Variants in FAM240B observed in about 807,000 individuals in gnomAD.
FAM240B encodes the protein protein FAM240B.
rs1821047299 is a variant in FAM240B at position 38,694,780 on chromosome 9, T to A, written c.233A>T (p.Asp78Val). The A allele has an allele frequency of 2.5e-6, 1 of 398,648 alleles. No homozygotes were observed. Among genetic ancestry groups the A allele is most frequent in the Non-Finnish European group, 4.4e-6 (1 of 226,076 alleles). 24.7% of individuals were successfully genotyped at this position (398,648 alleles called of 1,614,324 possible). The part of the protein sequence containing the change: ...VEKEKPAHTA[D>V] Reference sequence around the variant, plus strand: ...AGTCGGTGAGGCAGGCAGAGCTCAGTCCGCGGTGTGTGCCGGCTTTTCCTT... The same window carrying A: ...AGTCGGTGAGGCAGGCAGAGCTCAGACCGCGGTGTGTGCCGGCTTTTCCTT... Residue 78 changes from aspartate (D) to valine (V), a missense_variant, in exon 3 of 3, where the codon GAC becomes GTC. Asp to Val is a radical substitution (Grantham distance 152). Coordinates refer to ENST00000637493, the MANE Select transcript of FAM240B (RefSeq NM_001394922.1).
chr9:38,697,442 CCTT>C (rs963709327), intron 2 of FAM240B, among the ~76,000 whole-genome samples: 1 of 152,282 alleles, frequency 6.6e-6, no homozygotes, highest in South Asian at 2.1e-4. Context: ...AATCCTAACT[CCTT>C]CTTTTTCTCC....
chr9:38,696,657 A>T (rs1821073279), intron 2 of FAM240B, among the ~76,000 whole-genome samples: 1 of 152,106 alleles, frequency 6.6e-6, no homozygotes, highest in Admixed American at 6.5e-5. Context: ...AAAACAAAAA[A>T]AAATAAATTA....
intron 2 of FAM240B, among the ~76,000 whole-genome samples, chr9:38,701,528 C>T (rs138307010): frequency 3.2e-3 from 488 of 152,196 alleles, no homozygotes; most frequent in African/African-American, 0.01. Context: ...AATTTTAATT[C>T]ACAATTGATA....
chr9:38,696,422 C>T (rs1407598608), intron 2 of FAM240B, among the ~76,000 whole-genome samples: 1 of 152,108 alleles, frequency 6.6e-6, no homozygotes, highest in Admixed American at 6.6e-5. Flanking sequence ...TAATTATGGG[C>T]CCAGGAAAGA....
At chr9:38,704,124 T>G (rs1821162435) in intron 1 of FAM240B, 122 bp from the exon 2 acceptor site, 1 of 384,890 alleles carries the variant, frequency 2.6e-6, no homozygotes. Flanking sequence ...TTTTTTTTTT[T>G]GGTGACTGTA....
At chr9:38,717,160 C>A (rs371101277) in intron 1 of FAM240B, among the ~76,000 whole-genome samples, 1 of 152,216 alleles carries the variant, frequency 6.6e-6, no homozygotes, top group African/African-American at 2.4e-5. Context: ...CGGCTTCCCT[C>A]TCTTAGGCTG....
At chr9:38,717,532 G>C (rs1821320892) in intron 1 of FAM240B, among the ~76,000 whole-genome samples, 1 of 152,214 alleles carries the variant, frequency 6.6e-6, no homozygotes, top group Non-Finnish European at 1.5e-5. Flanking sequence ...CCAGGCTGGA[G>C]TGCAGTGGCG....
At chr9:38,711,446 C>T (rs981289964) in intron 1 of FAM240B, among the ~76,000 whole-genome samples, 5 of 152,272 alleles carry the variant, frequency 3.3e-5, no homozygotes, top group African/African-American at 4.8e-5. Context: ...TGCATTTGGA[C>T]GGGTTTCTCC....
intron 1 of FAM240B, among the ~76,000 whole-genome samples, chr9:38,706,920 C>A (rs1426018308): frequency 2.0e-5 from 3 of 152,170 alleles, no homozygotes; most frequent in Non-Finnish European, 4.4e-5. Context: ...AATGCATGCC[C>A]TCCTCTAGCA....
rs377450635 is a variant in FAM240B, at chr9:38,716,087, GA to G, written c.-4+3934del. On this transcript the variant is annotated intron_variant, in intron 1 of 2. Transcript: ENST00000637493. ...CCTGTTTGGATTGGGACCAGGAGCC[GA>G]GGCAGGTCTCTTTTCTCTTGGGCTT... Among the ~76,000 whole-genome samples, 259 of 152,242 alleles carry G rather than the reference GA, an allele frequency of 1.7e-3. 2 individuals are homozygous for G. The highest frequency in any genetic ancestry group is 6.0e-3 in the African/African-American group (250 of 41,532).
chr9:38,713,275 G>A lies in FAM240B; in HGVS notation c.-4+6747C>T, dbSNP rs574580117. Among the ~76,000 whole-genome samples, 3 of 152,132 alleles carry A rather than the reference G, an allele frequency of 2.0e-5. No individual in the cohort carries two copies. In the South Asian group the frequency reaches 6.2e-4, roughly 32 times the overall value. The stretch of plus-strand genomic sequence containing the variant: ...AGACGGATCACGAGGTCAGGAGATC[G>A]AGACCATCCTGGCTAACACGGTGAA... On this transcript the variant is annotated intron_variant, in intron 1 of 2. Coordinates refer to ENST00000637493, the MANE Select transcript of FAM240B (RefSeq NM_001394922.1).
chr9:38,696,363 A>AC (rs1354116834), intron 2 of FAM240B, among the ~76,000 whole-genome samples: 5 of 152,114 alleles, frequency 3.3e-5, no homozygotes, highest in Non-Finnish European at 5.9e-5. Flanking sequence ...GGCTGTAGGC[A>AC]CCTATTACCA....
chr9:38,716,103 CTCTTGGGCTTTGACCCCATAA>C (rs1422441827), intron 1 of FAM240B, among the ~76,000 whole-genome samples: 3 of 152,192 alleles, frequency 2.0e-5, no homozygotes, highest in Non-Finnish European at 2.9e-5. Context: ...GGTCTCTTTT[CTCTTGGGCTTTGACCCCATAA>C]TCTTGTCCCT....
chr9:38,710,325 T>A (rs556480363), intron 1 of FAM240B, among the ~76,000 whole-genome samples: 2 of 152,322 alleles, frequency 1.3e-5, no homozygotes, highest in South Asian at 4.1e-4. Flanking sequence ...TAAGATCATT[T>A]ATTTTTCTTA....
chr9:38,711,022 G>T (rs937089677), intron 1 of FAM240B, among the ~76,000 whole-genome samples: 14 of 152,106 alleles, frequency 9.2e-5, no homozygotes, highest in Non-Finnish European at 1.8e-4. Flanking sequence ...ACAACAGCTG[G>T]ATACCGAGAA....
intron 2 of FAM240B, among the ~76,000 whole-genome samples, chr9:38,703,549 C>G (rs528332128): frequency 6.6e-6 from 1 of 152,318 alleles, no homozygotes; most frequent in South Asian, 2.1e-4. Flanking sequence ...AAGAGGTTCC[C>G]GCTAGCTCTT....
intron 1 of FAM240B, among the ~76,000 whole-genome samples, chr9:38,709,984 T>C (rs146759338): frequency 1.3e-5 from 2 of 152,292 alleles, no homozygotes; most frequent in African/African-American, 4.8e-5. Flanking sequence ...CTTTTTGTTG[T>C]TGTTGAGACG....
At chr9:38,709,893 T>G (rs1821232234) in intron 1 of FAM240B, among the ~76,000 whole-genome samples, 2 of 152,202 alleles carry the variant, frequency 1.3e-5, no homozygotes, top group African/African-American at 4.8e-5. Flanking sequence ...CTTCTAAGTT[T>G]CCACTTGCTA....
chr9:38,713,216 C>T (rs1415001193), intron 1 of FAM240B, among the ~76,000 whole-genome samples: 15 of 152,076 alleles, frequency 9.9e-5, no homozygotes, highest in Admixed American at 9.2e-4. Flanking sequence ...CAGTGGCTCA[C>T]GCCTGTAATC....
Sources: allele counts gnomAD v4.1 joint callset (sites outside exome capture counted in the v4.1 genomes callset), GRCh38; gene constraint gnomAD v4.1.1; transcripts MANE v1.5; gene names NCBI Gene and HGNC (gene_info 2026-07-23, HGNC 2026-07-21).